The following P4HA3 variants were observed in gnomAD, a reference collection of about 807,000 sequenced individuals.
P4HA3 encodes the protein prolyl 4-hydroxylase subunit alpha 3, also known as prolyl 4-hydroxylase subunit alpha-3.
P4HA3 carries 60 observed loss-of-function variants against 66.7 expected under a neutral mutation model. The observed-to-expected ratio is 0.90, with a 90% CI of 0.73 to 1.12. The LOEUF is 1.12. Among genes scored for constraint, P4HA3 ranks in the 50% most tolerant of loss-of-function variants. The pLI, the probability that P4HA3 is intolerant of heterozygous loss-of-function variation, is 0.00. For missense variants in P4HA3, 683 were observed against 685.8 expected (o/e 1.00, Z 0.05); for synonymous variants, 263 against 274.6 (o/e 0.96, Z 0.42).
In P4HA3 at chr11:74,279,388, C is replaced by T; in HGVS notation, c.1175G>A (p.Ser392Asn). ...ATGACCAAGGAAGGGCCCTTCTTACCTTTTGCTGATGCGGTACTCCACTTG... is the reference window on the plus strand; with the variant it reads ...ATGACCAAGGAAGGGCCCTTCTTACTTTTTGCTGATGCGGTACTCCACTTG... ...QLQVEYRISK[S>N]AWLKDTVDPK... Residue 392 changes from serine to asparagine, a missense_variant and splice_region_variant, in exon 8 of 13, where the codon AGT (serine) becomes AAT (asparagine). By Grantham distance (46) the Ser-to-Asn change is conservative. Transcript: ENST00000331597. 1 of 1,613,774 alleles carries T rather than the reference C, an allele frequency of 6.2e-7. No homozygotes were observed. The highest frequency in any genetic ancestry group is 8.5e-7 in the Non-Finnish European group (1 of 1,179,736).
intron 15 of P4HA3, chr11:74,255,865 A>T (rs1203065291): frequency 2.2e-6 from 1 of 464,320 alleles, no homozygotes; most frequent in African/African-American, 2.0e-5. Flanking sequence ...GTAGTTCATG[A>T]GCTCCCTAGT....
chr11:74,274,654 C>T (rs1263355459), intron 9 of P4HA3, among the ~76,000 whole-genome samples: 3 of 152,118 alleles, frequency 2.0e-5, no homozygotes, highest in South Asian at 4.1e-4. Context: ...ATAAACTTTT[C>T]TGTACAAATG....
downstream of P4HA3, among the ~76,000 whole-genome samples, chr11:74,265,948 T>C (rs1415876306): frequency 2.6e-5 from 4 of 152,234 alleles, no homozygotes. Flanking sequence ...TGATAAGTGT[T>C]ATGAAGAAAA....
Position 74,302,395 on chromosome 11 carries a change from C to G in P4HA3, c.541G>C (p.Gly181Arg). The change falls in exon 3 of 13, where the codon GGG (glycine) becomes CGG (arginine). Residue 181 changes from glycine to arginine, a missense_variant. By Grantham distance (125) the Gly-to-Arg change is moderately radical. Coordinates refer to ENST00000331597, the MANE Select transcript of P4HA3 (RefSeq NM_182904.5). ...TTGCCAACTTGGAAGCAGTCATCCC[C>G]TGTGAGAGAAAAGAGCCGTTTGGGG... ...YSPKRLFSLT[G>R]DDCFQVGKVA... 1 of 1,613,726 alleles carries G rather than the reference C, an allele frequency of 6.2e-7. No homozygotes were observed. The highest frequency in any genetic ancestry group is 8.5e-7 in the Non-Finnish European group (1 of 1,179,974).
chr11:74,294,189 C>A (rs568675835), intron 4 of P4HA3, among the ~76,000 whole-genome samples: 3 of 152,302 alleles, frequency 2.0e-5, no homozygotes, highest in South Asian at 2.1e-4. Flanking sequence ...CGCTTCGTTT[C>A]ATTCATTTCG....
At chr11:74,286,978 G>T in intron 5 of P4HA3, 1 of 537,040 alleles carries the variant, frequency 1.9e-6, no homozygotes, top group Non-Finnish European at 2.4e-6. Context: ...GGCTCCACTA[G>T]ATCTTTCAAA....
chr11:74,304,280 C>G lies in P4HA3; in HGVS notation c.333G>C (p.Glu111Asp). The G allele has an allele frequency of 6.2e-7, 1 of 1,613,832 alleles. No individual in the cohort carries two copies. Among genetic ancestry groups the G allele is most frequent in the Non-Finnish European group, 8.5e-7 (1 of 1,179,846 alleles). ...RNVVHSLEAS[E>D]NIRALKDGYE... ...CCTCCTCCTCATTACCTCGGATGTT[C>G]TCACTGGCCTCCAGACTATGTACCA... The change falls in exon 2 of 13, where the codon GAG (glutamate) becomes GAC (aspartate). Residue 111 changes from glutamate to aspartate, a missense_variant. Transcript: ENST00000331597.
Position 74,311,512 on chromosome 11 carries a change from G to A in P4HA3, c.100C>T (p.Leu34=). Residue 34 remains leucine, a synonymous_variant, in exon 1 of 13, where the codon CTG becomes TTG. Transcript: ENST00000331597. ...GCCAGGGCGCGCGCCACGCTGGTCA[G>A]CGCCGAGAACGTGTCGCCCCGAGCC... ...AAARGDTFSA[L]TSVARALAPE... The A allele has an allele frequency of 6.5e-7, 1 of 1,539,902 alleles. No homozygotes were observed. Among genetic ancestry groups the A allele is most frequent in the Non-Finnish European group, 8.7e-7 (1 of 1,151,574 alleles).
At chr11:74,295,030 C>A (rs1861168286) in intron 4 of P4HA3, among the ~76,000 whole-genome samples, 1 of 152,162 alleles carries the variant, frequency 6.6e-6, no homozygotes, top group Non-Finnish European at 1.5e-5. Context: ...GAGCTGTAGA[C>A]CGGAGCTGTT....
intron 5 of P4HA3, 25 bp downstream of exon 5, chr11:74,289,054 G>T: frequency 1.2e-5 from 18 of 1,501,716 alleles, no homozygotes; most frequent in Non-Finnish European, 1.6e-5. Context: ...ACCTGTGGCT[G>T]GCTTATCTTT....
chr11:74,255,841 T>C (rs569169060), intron 15 of P4HA3: 295 of 436,224 alleles, frequency 6.8e-4, no homozygotes, highest in Non-Finnish European at 1.1e-3. Context: ...TAGTTGATGA[T>C]GAAATATTTC....
intron 9 of P4HA3, among the ~76,000 whole-genome samples, chr11:74,276,323 G>A (rs756698320): frequency 6.6e-6 from 1 of 152,204 alleles, no homozygotes; most frequent in African/African-American, 2.4e-5. Context: ...AGCACTTTGG[G>A]AGACTGAGGT....
chr11:74,309,225 T>C (rs1191520293), intron 1 of P4HA3, among the ~76,000 whole-genome samples: 1 of 152,286 alleles, frequency 6.6e-6, no homozygotes, highest in African/African-American at 2.4e-5. Context: ...AGTTTTCTCA[T>C]GTTTTAACTG....
intron 12 of P4HA3, 111 bp downstream of exon 12, chr11:74,268,034 C>T (rs552092206): frequency 1.1e-6 from 1 of 901,438 alleles, no homozygotes; most frequent in African/African-American, 1.7e-5. Context: ...TAATGTGGCA[C>T]TGTAATGAAG....
At chr11:74,264,273 C>T (rs1293724469), downstream of P4HA3, among the ~76,000 whole-genome samples, 1 of 152,156 alleles carries the variant, frequency 6.6e-6, no homozygotes, top group Non-Finnish European at 1.5e-5. Context: ...TGCTCTCCTC[C>T]CTGGGGAGGT....
chr11:74,282,160 G>A (rs77289001), intron 7 of P4HA3, among the ~76,000 whole-genome samples: 2 of 150,626 alleles, frequency 1.3e-5, no homozygotes, highest in Non-Finnish European at 2.9e-5. Context: ...AAACCCTAAG[G>A]AATCCCCCCC....
chr11:74,259,025 G>A (rs1859867591), intron 15 of P4HA3, among the ~76,000 whole-genome samples: 1 of 152,176 alleles, frequency 6.6e-6, no homozygotes, highest in South Asian at 2.1e-4. Context: ...GGGCTGCTCA[G>A]GCAGAATTAG....
At chr11:74,260,899 A>C (rs1859895972) in intron 14 of P4HA3, among the ~76,000 whole-genome samples, 1 of 152,128 alleles carries the variant, frequency 6.6e-6, no homozygotes, top group Non-Finnish European at 1.5e-5. Context: ...TGAAAGACAT[A>C]ATCATGTCTC....
At chr11:74,261,803 C>G (rs1453556217), downstream of P4HA3, among the ~76,000 whole-genome samples, 1 of 152,204 alleles carries the variant, frequency 6.6e-6, no homozygotes, top group Non-Finnish European at 1.5e-5. Flanking sequence ...GCCACACATG[C>G]AGTCTGTGCT....
Sources: gnomAD v4.1 joint callset for allele counts (sites outside exome capture counted in the v4.1 genomes callset) on GRCh38, gnomAD v4.1.1 for gene constraint, MANE v1.5 for transcripts, NCBI Gene and HGNC (gene_info 2026-07-23, HGNC 2026-07-21) for gene names.